The following ASAP2 variants were observed in gnomAD, a reference collection of about 807,000 sequenced individuals.
The protein encoded by ASAP2 is ArfGAP with SH3 domain, ankyrin repeat and PH domain 2, also known as arf-GAP with SH3 domain, ANK repeat and PH domain-containing protein 2.
A neutral mutation model predicts 131.4 loss-of-function variants in ASAP2; 45 were observed. The observed-to-expected ratio is 0.34, with a 90% confidence interval of 0.27 to 0.44. The LOEUF (loss-of-function observed/expected upper bound fraction) is 0.44, where lower values mean the gene tolerates loss of function less well. Ranked by LOEUF, ASAP2 falls within the 20% of genes least tolerant of loss-of-function variation. The pLI is 1.00. For synonymous variants in ASAP2, 510 were observed against 503.0 expected, an observed-to-expected ratio of 1.01 and a Z score of -0.19; for missense variants, 1,011 against 1,297.0, an observed-to-expected ratio of 0.78 and a Z score of 3.39.
chr2:9,331,040 CGTGT>C, intron 7 of ASAP2, among the ~76,000 whole-genome samples: 1 of 152,334 alleles, frequency 6.6e-6, no homozygotes, highest in Middle Eastern at 3.4e-3. Flanking sequence ...CGCAGCCGTG[CGTGT>C]TTCCACGTGT....
intron 3 of ASAP2, among the ~76,000 whole-genome samples, chr2:9,300,767 A>T (rs1288373751): frequency 1.3e-5 from 2 of 152,216 alleles, no homozygotes; most frequent in African/African-American, 4.8e-5. Flanking sequence ...TAACACTCCA[A>T]ACCCAAGTTG....
At position 9,268,355 on chromosome 2, in the gene ASAP2, T is replaced by C. The variant is rs919158753; in HGVS notation, c.127-10962T>C. On this transcript the variant is annotated intron_variant, in intron 1 of 27. Coordinates refer to ENST00000281419, the MANE Select transcript of ASAP2 (RefSeq NM_003887.3). The surrounding 1 kb of genome is among the most constrained non-coding windows in gnomAD (Gnocchi z 4.1). ...GAGTAATTTTAATTTTTTAAGATAA[T>C]ACCAAAACACGCCCTTCTCATCTGT... 1.3e-5 allele frequency among the ~76,000 whole-genome samples: 2 copies of C among 152,198 alleles called. No individual in the cohort carries two copies. Among genetic ancestry groups the C allele is most frequent in the Non-Finnish European group, 2.9e-5 (2 of 68,036 alleles).
chr2:9,227,522 C>CGCT (rs752448992), intron 1 of ASAP2, among the ~76,000 whole-genome samples: 7 of 152,122 alleles, frequency 4.6e-5, no homozygotes, highest in Non-Finnish European at 1.0e-4. Context: ...TATTTTCAAA[C>CGCT]GCTATTCGGG....
At chr2:9,402,070 G>A (rs536260799) in intron 27 of ASAP2, among the ~76,000 whole-genome samples, 260 of 152,362 alleles carry the variant, frequency 1.7e-3, no homozygotes, top group Admixed American at 4.8e-3. Flanking sequence ...CACAGTAGAC[G>A]CAAGTGGCAC....
chr2:9,337,463 G>T (rs1234953452), intron 9 of ASAP2, among the ~76,000 whole-genome samples: 2 of 152,138 alleles, frequency 1.3e-5, no homozygotes, highest in Non-Finnish European at 1.5e-5. Flanking sequence ...ATTCCCTTTG[G>T]TTGGATTTTC....
intron 1 of ASAP2, among the ~76,000 whole-genome samples, chr2:9,234,500 A>C (rs1037415336): frequency 6.6e-6 from 1 of 152,182 alleles, no homozygotes; most frequent in Non-Finnish European, 1.5e-5. Context: ...GCTCAGAAGC[A>C]GGGAGAGATC....
intron 1 of ASAP2, among the ~76,000 whole-genome samples, chr2:9,270,300 C>T (rs916354086): frequency 3.9e-5 from 6 of 152,122 alleles, no homozygotes; most frequent in African/African-American, 1.2e-4. Context: ...GTGGAGTTTT[C>T]GTTTGGGGAG....
intron 1 of ASAP2, among the ~76,000 whole-genome samples, 190 bp from the exon 2 acceptor site, chr2:9,279,127 C>G (rs1054482075): frequency 3.9e-5 from 6 of 152,164 alleles, no homozygotes; most frequent in African/African-American, 1.4e-4. Flanking sequence ...GGAAACCAGT[C>G]TTCCACACCA....
chr2:9,215,417 AT>A (rs1661950248), intron 1 of ASAP2, among the ~76,000 whole-genome samples: 1 of 152,198 alleles, frequency 6.6e-6, no homozygotes, highest in Non-Finnish European at 1.5e-5. Context: ...AAATACCTTA[AT>A]TTTGAGGTAT....
In ASAP2 at chr2:9,232,753, C is replaced by G. The variant is rs1234184293; in HGVS notation, c.126+25523C>G. Among the ~76,000 whole-genome samples the G allele has an allele frequency of 6.6e-6, 1 of 152,136 alleles. No homozygotes were observed. The highest frequency in any genetic ancestry group is 1.5e-5 in the Non-Finnish European group (1 of 68,032). On this transcript the variant is annotated intron_variant, in intron 1 of 27. Transcript: ENST00000281419. This position sits in a 1 kb window ranked among gnomAD's most constrained non-coding sequence, Gnocchi z 4.1. Reference sequence around the variant, plus strand: ...TTGCAGGGAGTGAGACATGCTGTTGCCGGAGCTCTGGTGTCATTGGTTCAT... The same window carrying G: ...TTGCAGGGAGTGAGACATGCTGTTGGCGGAGCTCTGGTGTCATTGGTTCAT...
chr2:9,351,974 C>T (rs1672363332), intron 12 of ASAP2, among the ~76,000 whole-genome samples: 1 of 152,182 alleles, frequency 6.6e-6, no homozygotes, highest in African/African-American at 2.4e-5. Context: ...AACACCCATC[C>T]TGACTCAGTC....
Position 9,207,872 on chromosome 2 carries a change from C to CT in ASAP2, c.126+644dup, listed in dbSNP as rs988562424. Among the ~76,000 whole-genome samples, 4 of 152,190 alleles carry CT rather than the reference C, an allele frequency of 2.6e-5. No homozygotes were observed. Among genetic ancestry groups the CT allele is most frequent in the African/African-American group, 9.6e-5 (4 of 41,458 alleles). On this transcript the variant is annotated intron_variant, in intron 1 of 27. Coordinates refer to ENST00000281419, the MANE Select transcript of ASAP2 (RefSeq NM_003887.3). This position sits in a 1 kb window ranked among gnomAD's most constrained non-coding sequence, Gnocchi z 4.1. ...TCCCCGGTTACCTGGGTCTCACCTGCTTGAACCCGGAATGCCGCCCTTCCC... is the reference window on the plus strand; with the variant it reads ...TCCCCGGTTACCTGGGTCTCACCTGCTTTGAACCCGGAATGCCGCCCTTCCC...
Position 9,371,175 on chromosome 2 carries a change from C to T in ASAP2, c.1556+2656C>T, listed in dbSNP as rs376769255. Among the ~76,000 whole-genome samples, 268 of 152,306 alleles carry T rather than the reference C, an allele frequency of 1.8e-3. 10 individuals carry two copies. In the South Asian group the frequency reaches 0.053, roughly 30 times the overall value. On this transcript the variant is annotated intron_variant, in intron 16 of 27. Transcript: ENST00000281419. ...ACTGTTGAAAAAGAAATTTACATCC[C>T]CCAACCCCGGGCTTTTTTCAAAATG...
chr2:9,252,951 G>A (rs1419822183), intron 1 of ASAP2, among the ~76,000 whole-genome samples: 1 of 150,818 alleles, frequency 6.6e-6, no homozygotes, highest in African/African-American at 2.4e-5. Flanking sequence ...AACACAAGCA[G>A]ATAGTGCGTG....
intron 2 of ASAP2, among the ~76,000 whole-genome samples, chr2:9,282,771 T>C (rs1277190539): frequency 1.3e-5 from 2 of 152,266 alleles, no homozygotes; most frequent in Non-Finnish European, 2.9e-5. Flanking sequence ...TCTTGTCTCA[T>C]GTTTCTTAAT....
chr2:9,387,243 G>A (rs571349951), intron 21 of ASAP2, among the ~76,000 whole-genome samples: 16 of 146,858 alleles, frequency 1.1e-4, no homozygotes, highest in Admixed American at 4.7e-4. Flanking sequence ...TAACCTTCAG[G>A]GGGGAGCAGG....
intron 1 of ASAP2, among the ~76,000 whole-genome samples, chr2:9,229,418 C>T (rs934961226): frequency 1.3e-5 from 2 of 152,182 alleles, no homozygotes; most frequent in African/African-American, 2.4e-5. Context: ...GATGAACCAA[C>T]CTGAGTACTG....
At chr2:9,211,129 TGG>T (rs916379808) in intron 1 of ASAP2, among the ~76,000 whole-genome samples, 6 of 149,754 alleles carry the variant, frequency 4.0e-5, no homozygotes, top group African/African-American at 1.5e-4. Flanking sequence ...CACTCCAGCC[TGG>T]GCAACAAGAG....
chr2:9,371,394 C>T (rs578151679), intron 16 of ASAP2, among the ~76,000 whole-genome samples: 2 of 152,108 alleles, frequency 1.3e-5, no homozygotes, highest in East Asian at 1.9e-4. Flanking sequence ...TTTTTCCCAC[C>T]GTAATATGTT....
Sources: allele counts gnomAD v4.1 joint callset (sites outside exome capture counted in the v4.1 genomes callset), GRCh38; gene constraint gnomAD v4.1.1; non-coding constraint Gnocchi (gnomAD v3.1); transcripts MANE v1.5; gene names NCBI Gene and HGNC (gene_info 2026-07-23, HGNC 2026-07-21).